The following NEDD4L variants were observed in gnomAD, a reference collection of about 807,000 sequenced individuals.
The protein encoded by NEDD4L is E3 ubiquitin-protein ligase NEDD4-like.
Under a neutral mutation model 148.9 loss-of-function variants are expected in NEDD4L, and 54 were observed. The observed-to-expected ratio is 0.36, with a 90% CI of 0.29 to 0.45. The LOEUF (loss-of-function observed/expected upper bound fraction) is 0.45, where lower values mean the gene tolerates loss of function less well. NEDD4L is among the 20% of genes least tolerant of loss of function. The pLI is 1.00. For synonymous variants in NEDD4L, 433 were observed against 440.7 expected (o/e 0.98, Z 0.22); for missense variants, 856 against 1,233.8 (o/e 0.69, Z 4.59).
intron 1 of NEDD4L, among the ~76,000 whole-genome samples, chr18:58,102,669 TCA>T (rs2084827945): frequency 1.3e-5 from 2 of 152,168 alleles, no homozygotes; most frequent in African/African-American, 4.8e-5. Context: ...TAACGCAGTA[TCA>T]CATCTATTTA....
At chr18:58,118,913 C>G (rs1203571578) in intron 1 of NEDD4L, among the ~76,000 whole-genome samples, 1 of 152,154 alleles carries the variant, frequency 6.6e-6, no homozygotes, top group South Asian at 2.1e-4. Flanking sequence ...CTGGGTTTCT[C>G]TTGAAGGTCC....
chr18:58,132,756 C>CT (rs778167266), intron 1 of NEDD4L, among the ~76,000 whole-genome samples: 45 of 152,078 alleles, frequency 3.0e-4, no homozygotes, highest in Non-Finnish European at 3.5e-4. Context: ...GTGTTATTCT[C>CT]TTTTTTGTTT....
At chr18:58,245,156 C>T (rs1032261991) in intron 2 of NEDD4L, among the ~76,000 whole-genome samples, 81 of 152,100 alleles carry the variant, frequency 5.3e-4, no homozygotes, top group African/African-American at 1.9e-3. Flanking sequence ...AATCTGTGTG[C>T]GTTTTAATCT....
chr18:58,256,893 G>T lies in NEDD4L; in HGVS notation c.297+4839G>T, dbSNP rs1338812764. On this transcript the variant is annotated intron_variant, in intron 5 of 30. Coordinates refer to ENST00000400345, the MANE Select transcript of NEDD4L (RefSeq NM_001144967.3). This position sits in a 1 kb window ranked among gnomAD's most constrained non-coding sequence, Gnocchi z 5.2. ...GGAGTTTCCCTGCTTCAGGCCAGTGGATCTGAATGTTTGGCCGAGTTCTGG... is the reference window on the plus strand; with the variant it reads ...GGAGTTTCCCTGCTTCAGGCCAGTGTATCTGAATGTTTGGCCGAGTTCTGG... The T allele has an allele frequency of 3.2e-6, 3 of 934,276 alleles. No homozygotes were observed. The highest frequency in any genetic ancestry group is 6.6e-5 in the East Asian group (2 of 30,388). 57.9% of individuals were successfully genotyped at this position (934,276 alleles called of 1,614,324 possible). A position where few individuals can be genotyped will look rare whatever the true frequency, so the allele number is the denominator to read the frequency against.
At chr18:58,228,211 G>A (rs1463046339) in intron 2 of NEDD4L, among the ~76,000 whole-genome samples, 4 of 152,304 alleles carry the variant, frequency 2.6e-5, no homozygotes, top group South Asian at 2.1e-4. Flanking sequence ...GGCCCTGTTC[G>A]CAAGGAGCTT....
chr18:58,106,160 G>A (rs1364642356), intron 1 of NEDD4L, among the ~76,000 whole-genome samples: 1 of 152,162 alleles, frequency 6.6e-6, no homozygotes, highest in African/African-American at 2.4e-5. Context: ...CCCTGTGTAG[G>A]GACATCCGTG....
intron 5 of NEDD4L, 143 bp from the exon 6 acceptor site, chr18:58,315,839 C>A: frequency 1.3e-6 from 1 of 766,152 alleles, no homozygotes; most frequent in Non-Finnish European, 2.4e-6. Context: ...TGTGGTTACT[C>A]GTGTCTCCTC....
intron 1 of NEDD4L, among the ~76,000 whole-genome samples, chr18:58,068,483 G>A (rs968971281): frequency 2.6e-5 from 4 of 152,184 alleles, no homozygotes; most frequent in African/African-American, 7.2e-5. Flanking sequence ...ACAGGCATGA[G>A]CCACCGCTCA....
chr18:58,397,251 T>G lies in NEDD4L; in HGVS notation c.*982T>G, dbSNP rs2050554320. ...AACCAGATCTGTTTAGTCTCCTGTT[T>G]GTATGCGTTTGCTAATGGTAGCTAA... On this transcript the variant is annotated 3_prime_UTR_variant, in exon 31 of 31. Coordinates refer to ENST00000400345, the MANE Select transcript of NEDD4L (RefSeq NM_001144967.3). 3 of 152,662 alleles carry G rather than the reference T, an allele frequency of 2.0e-5. No individual in the cohort carries two copies. Among genetic ancestry groups the G allele is most frequent in the Admixed American group, 1.3e-4 (2 of 15,284 alleles). The allele number at this position is 152,662 out of a possible 1,614,324, so 9.5% of individuals were successfully genotyped here.
At chr18:58,259,231 A>G (rs922340077) in intron 5 of NEDD4L, among the ~76,000 whole-genome samples, 1 of 152,234 alleles carries the variant, frequency 6.6e-6, no homozygotes, top group African/African-American at 2.4e-5. Flanking sequence ...TTAACCAACT[A>G]AATTATTAGA....
At chr18:58,328,894 A>G (rs1277547304) in intron 9 of NEDD4L, 101 bp from the exon 10 acceptor site, 1 of 1,336,420 alleles carries the variant, frequency 7.5e-7, no homozygotes, top group Admixed American at 1.9e-5. Context: ...TGACGCTGAC[A>G]CTTTAGTGGC....
At chr18:58,139,209 A>G (rs2033206791) in intron 1 of NEDD4L, among the ~76,000 whole-genome samples, 1 of 152,210 alleles carries the variant, frequency 6.6e-6, no homozygotes, top group Admixed American at 6.5e-5. Flanking sequence ...GACTGCATGC[A>G]TAGTCTAGGG....
intron 3 of NEDD4L, 143 bp from the exon 4 acceptor site, chr18:58,248,756 G>A (rs1358309334): frequency 1.3e-5 from 7 of 535,454 alleles, no homozygotes; most frequent in African/African-American, 5.8e-5. Context: ...TGGTTTGTAC[G>A]CTAGTCTCAA....
At chr18:58,227,624 G>A (rs563331289) in intron 2 of NEDD4L, among the ~76,000 whole-genome samples, 14 of 152,254 alleles carry the variant, frequency 9.2e-5, no homozygotes, top group African/African-American at 2.9e-4. Context: ...TGTCCACAAG[G>A]GATTAGCCTC....
At chr18:58,387,407 G>A (rs771604913) in intron 26 of NEDD4L, 32 bp from the exon 27 acceptor site, 5 of 1,501,070 alleles carry the variant, frequency 3.3e-6, no homozygotes, top group Non-Finnish European at 3.5e-6. Flanking sequence ...GAAGGCAATA[G>A]GTGTTTAAGA....
intron 24 of NEDD4L, among the ~76,000 whole-genome samples, chr18:58,373,662 T>C (rs1013005181): frequency 1.4e-4 from 21 of 152,252 alleles, no homozygotes; most frequent in African/African-American, 5.1e-4. Flanking sequence ...TTTTTCTCTC[T>C]GTTTTATGGT....
intron 1 of NEDD4L, among the ~76,000 whole-genome samples, chr18:58,145,086 C>T (rs1031377865): frequency 6.6e-6 from 1 of 152,200 alleles, no homozygotes; most frequent in African/African-American, 2.4e-5. Flanking sequence ...ACTGCTGATA[C>T]TACCTCTGCA....
At chr18:58,394,355 C>CCT (rs1280319846) in intron 30 of NEDD4L, among the ~76,000 whole-genome samples, 3 of 152,240 alleles carry the variant, frequency 2.0e-5, no homozygotes, top group South Asian at 4.1e-4. Context: ...CCCGTCTTTG[C>CCT]CTCTCTCTTC....
intron 2 of NEDD4L, among the ~76,000 whole-genome samples, chr18:58,233,935 G>A (rs531892117): frequency 1.4e-3 from 163 of 120,354 alleles, no homozygotes; most frequent in Admixed American, 4.8e-3. Context: ...TCTTCACATC[G>A]TCTTTCCTCT....
Sources: gnomAD v4.1 joint callset for allele counts (sites outside exome capture counted in the v4.1 genomes callset) on GRCh38, gnomAD v4.1.1 for gene constraint, Gnocchi (gnomAD v3.1) non-coding constraint, MANE v1.5 for transcripts, NCBI Gene and HGNC (gene_info 2026-07-23, HGNC 2026-07-21) for gene names.